SPATA13: variants seen among roughly 807,000 people sequenced by gnomAD.
SPATA13 encodes spermatogenesis-associated protein 13.
A neutral mutation model predicts 104.0 loss-of-function variants in SPATA13; 50 were observed. The observed-to-expected ratio is 0.48, with a 90% CI of 0.38 to 0.61. SPATA13 has a LOEUF of 0.61. SPATA13 is among the 20% of genes least tolerant of loss of function. SPATA13 has a pLI of 0.00. For synonymous variants in SPATA13, 606 were observed against 667.5 expected (o/e 0.91, Z 1.42); for missense variants, 1,524 against 1,690.6 (o/e 0.90, Z 1.73).
intron 2 of SPATA13, among the ~76,000 whole-genome samples, chr13:23,992,411 A>G (rs1043432062): frequency 6.6e-6 from 1 of 152,232 alleles, no homozygotes; most frequent in African/African-American, 2.4e-5. Context: ...GCTTGCCACA[A>G]TAAAAATTTA....
rs958434459 is a variant in SPATA13 at position 24,113,868 on chromosome 13, C to CAAA, written c.-112+96187_-112+96189dup. 6.8e-3 allele frequency among the ~76,000 whole-genome samples: 382 copies of CAAA among 55,908 alleles called. 8 individuals are homozygous for CAAA. Among genetic ancestry groups the CAAA allele is most frequent in the African/African-American group, 0.02 (318 of 15,644 alleles). 36.7% of individuals were successfully genotyped at this position (55,908 alleles called of 152,430 possible). ...CTGGCGACAGAGTGAGACTCGATCT[C>CAAA]AAAAAAAAAAAAAAAAAAAAAAGAA... is the stretch of plus-strand genomic sequence containing the variant. On this transcript the variant is annotated intron_variant, in intron 3 of 14. Coordinates refer to the SPATA13 transcript ENST00000424834.
At chr13:24,022,420 C>T (rs567193600) in intron 3 of SPATA13, among the ~76,000 whole-genome samples, 1 of 152,222 alleles carries the variant, frequency 6.6e-6, no homozygotes, top group Non-Finnish European at 1.5e-5. Context: ...AAGCCATTTT[C>T]TTTTTAAGAT....
At chr13:24,019,120 G>A (rs1302420974) in intron 3 of SPATA13, among the ~76,000 whole-genome samples, 5 of 144,730 alleles carry the variant, frequency 3.5e-5, no homozygotes, top group African/African-American at 1.3e-4. Context: ...ACGGAGTCTC[G>A]CTCTGTCGCC....
rs1325645370 is a variant in SPATA13, at chr13:24,223,521, C to A, written c.592C>A (p.His198Asn). The A allele has an allele frequency of 2.6e-6, 4 of 1,548,484 alleles. No homozygotes were observed. The highest frequency in any genetic ancestry group is 3.5e-6 in the Non-Finnish European group (4 of 1,146,996). ...DTDDAFQRST[H>N]RSRSLRRAYG... ...GGACGATGCCTTCCAGCGGAGCACA[C>A]ACCGCTCCCGCAGCCTCCGCAGAGC... The change falls in exon 2 of 13, where the codon CAC becomes AAC. Residue 198 changes from histidine to asparagine, a missense_variant. By Grantham distance (68) the His-to-Asn change is moderately conservative. This residue lies in a region of SPATA13 where 1,089 missense variants were observed against 1,135.9 expected (regional missense o/e 0.96). Coordinates refer to ENST00000382108, the MANE Select transcript of SPATA13 (RefSeq NM_001166271.3).
At chr13:24,263,148 C>G (rs1173543147) in intron 4 of SPATA13, among the ~76,000 whole-genome samples, 2 of 152,126 alleles carry the variant, frequency 1.3e-5, no homozygotes, top group East Asian at 3.8e-4. Context: ...TTTAAGCATC[C>G]CATAACATCT....
At chr13:23,998,392 C>T (rs916142263) in intron 2 of SPATA13, among the ~76,000 whole-genome samples, 4 of 152,058 alleles carry the variant, frequency 2.6e-5, no homozygotes, top group Non-Finnish European at 5.9e-5. Context: ...AATGTCTATC[C>T]AAATCTTTTG....
At chr13:24,117,679 T>C (rs1317606933) in intron 3 of SPATA13, among the ~76,000 whole-genome samples, 2 of 144,554 alleles carry the variant, frequency 1.4e-5, no homozygotes, top group Non-Finnish European at 3.0e-5. Context: ...AAAGAGAAAT[T>C]AAGAGAAAAA....
At chr13:24,085,487 G>A (rs60767861) in intron 3 of SPATA13, among the ~76,000 whole-genome samples, 6,778 of 152,202 alleles carry the variant, frequency 0.045, 316 homozygotes, top group African/African-American at 0.11. Context: ...GGGCAGTGCC[G>A]TCTGGAAGCC....
At chr13:24,237,358 A>C (rs759128447) in intron 2 of SPATA13, among the ~76,000 whole-genome samples, 5 of 152,068 alleles carry the variant, frequency 3.3e-5, no homozygotes, top group Non-Finnish European at 7.4e-5. Flanking sequence ...GTCAGATTCC[A>C]TCTTAAAACA....
rs192505346 is a variant in SPATA13, at chr13:24,027,158, G to A, written c.-112+9457G>A. 4.7e-3 allele frequency among the ~76,000 whole-genome samples: 522 copies of A among 110,380 alleles called. 8 individuals are homozygous for A. The highest frequency in any genetic ancestry group is 0.015 in the Middle Eastern group (2 of 132). 72.4% of individuals were successfully genotyped at this position (110,380 alleles called of 152,430 possible). On this transcript the variant is annotated intron_variant, in intron 3 of 14. Transcript: ENST00000424834. ...CGTTTTTTTTTTTTTTTTTTGAGAC[G>A]GAGTCTAGCTCGGTCGTCCAGGCTG...
intron 1 of SPATA13, among the ~76,000 whole-genome samples, chr13:24,221,810 T>C (rs1387400597): frequency 2.7e-5 from 4 of 149,320 alleles, no homozygotes; most frequent in Non-Finnish European, 6.0e-5. Flanking sequence ...CTCTGAATTT[T>C]TTTTTTTTTT....
At chr13:24,115,731 C>T (rs1237896489) in intron 3 of SPATA13, among the ~76,000 whole-genome samples, 1 of 152,210 alleles carries the variant, frequency 6.6e-6, no homozygotes, top group Non-Finnish European at 1.5e-5. Context: ...CTTCCGGTTC[C>T]AGATTTCTCA....
At chr13:24,059,118 C>T (rs1392871993) in intron 3 of SPATA13, among the ~76,000 whole-genome samples, 1 of 151,612 alleles carries the variant, frequency 6.6e-6, no homozygotes, top group Non-Finnish European at 1.5e-5. Flanking sequence ...ACTACAGTCG[C>T]CCACCACCAT....
Position 24,304,330 on chromosome 13 carries a change from G to A in SPATA13, c.*1557G>A, listed in dbSNP as rs1193834808. 1 of 152,222 alleles carries A rather than the reference G, an allele frequency of 6.6e-6. No homozygotes were observed. The highest frequency in any genetic ancestry group is 1.5e-5 in the Non-Finnish European group (1 of 68,046). 9.4% of individuals were successfully genotyped at this position (152,222 alleles called of 1,614,324 possible). ...TTTTCATGATATAACTTTTAACTAT[G>A]TCTAGAGAAGGCAGGCTCTGCAAGA... On this transcript the variant is annotated 3_prime_UTR_variant, in exon 13 of 13. Transcript: ENST00000382108.
Position 24,045,517 on chromosome 13 carries a change from T to A in SPATA13, c.-112+27816T>A, listed in dbSNP as rs117987915. ...ATTAGGTAGGTCACATAATACACGTTTTTTAAATTGTTACAAACATTGTAG... is the reference window on the plus strand; with the variant it reads ...ATTAGGTAGGTCACATAATACACGTATTTTAAATTGTTACAAACATTGTAG... On this transcript the variant is annotated intron_variant, in intron 3 of 14. Coordinates refer to the SPATA13 transcript ENST00000424834. Among the ~76,000 whole-genome samples the A allele has an allele frequency of 2.0e-3, 304 of 152,300 alleles. 5 individuals are homozygous for A. The East Asian group carries it at 0.043, about 22-fold the overall frequency.
chr13:24,046,018 T>A (rs1296684553), intron 3 of SPATA13, among the ~76,000 whole-genome samples: 1 of 152,236 alleles, frequency 6.6e-6, no homozygotes, highest in Non-Finnish European at 1.5e-5. Flanking sequence ...TTCTACTACC[T>A]TGTAAAAAAT....
intron 3 of SPATA13, among the ~76,000 whole-genome samples, chr13:24,113,868 C>CAAAAAAAAAAAAAAAA (rs958434459): frequency 1.8e-5 from 1 of 56,190 alleles, no homozygotes; most frequent in African/African-American, 6.4e-5. Context: ...GACTCGATCT[C>CAAAAAAAAAAAAAAAA]AAAAAAAAAA....
chr13:24,201,451 CTTT>C (rs67729020), intron 1 of SPATA13, among the ~76,000 whole-genome samples: 2 of 151,742 alleles, frequency 1.3e-5, no homozygotes, highest in Non-Finnish European at 2.9e-5. Flanking sequence ...AGAGTTCACT[CTTT>C]TTTTTGAGAC....
intron 2 of SPATA13, among the ~76,000 whole-genome samples, chr13:24,013,264 G>A (rs906295089): frequency 2.0e-5 from 3 of 152,144 alleles, no homozygotes; most frequent in Non-Finnish European, 4.4e-5. Flanking sequence ...CTCTGTAAGT[G>A]GAACTCTGAT....
Sources: gnomAD v4.1 joint callset for allele counts (sites outside exome capture counted in the v4.1 genomes callset) on GRCh38, gnomAD v4.1.1 for gene constraint, gnomAD v4.1.1 regional missense constraint, MANE v1.5 for transcripts, NCBI Gene and HGNC (gene_info 2026-07-23, HGNC 2026-07-21) for gene names.